Variants in CACNA2D3 observed in about 807,000 individuals in gnomAD.
CACNA2D3 encodes the protein voltage-dependent calcium channel subunit alpha-2/delta-3.
Under a neutral mutation model 160.6 loss-of-function variants are expected in CACNA2D3, and 60 were observed. The observed-to-expected ratio is 0.37, with a 90% CI of 0.30 to 0.46. The LOEUF (loss-of-function observed/expected upper bound fraction) is 0.46, where lower values mean the gene tolerates loss of function less well. Among genes scored for constraint, CACNA2D3 ranks in the 20% least tolerant of loss-of-function variants. The probability of loss-of-function intolerance (pLI) is 1.00; values close to 1 mark genes in which losing one functional copy is unlikely to be tolerated. For missense variants in CACNA2D3, 1,205 were observed against 1,365.0 expected, an observed-to-expected ratio of 0.88 and a Z score of 1.85; for synonymous variants, 558 against 492.9, an observed-to-expected ratio of 1.13 and a Z score of -1.75.
At chr3:54,219,523 G>A (rs959188633) in intron 2 of CACNA2D3, among the ~76,000 whole-genome samples, 1 of 152,166 alleles carries the variant, frequency 6.6e-6, no homozygotes, top group Non-Finnish European at 1.5e-5. Flanking sequence ...AACTCTGTAG[G>A]TTTGGATAGT....
chr3:55,058,211 G>A (rs533795323), intron 35 of CACNA2D3, among the ~76,000 whole-genome samples: 88 of 152,280 alleles, frequency 5.8e-4, no homozygotes, highest in African/African-American at 2.0e-3. Context: ...AGAACCCAAA[G>A]TATAGCAGAC....
chr3:54,350,966 C>CGGTTTTTTTTT (rs1559457706), intron 3 of CACNA2D3, among the ~76,000 whole-genome samples: 5 of 63,286 alleles, frequency 7.9e-5, no homozygotes, highest in Admixed American at 2.0e-4. Flanking sequence ...GATCTTGAGT[C>CGGTTTTTTTTT]TGTTTTTTTT....
At chr3:54,640,363 A>T (rs990535336) in intron 10 of CACNA2D3, among the ~76,000 whole-genome samples, 4 of 152,336 alleles carry the variant, frequency 2.6e-5, no homozygotes, top group Non-Finnish European at 5.9e-5. Context: ...AAGATTTTGT[A>T]TGTGTTTCCC....
At chr3:54,230,651 A>G (rs184578904) in intron 2 of CACNA2D3, among the ~76,000 whole-genome samples, 2 of 152,362 alleles carry the variant, frequency 1.3e-5, no homozygotes, top group Non-Finnish European at 1.5e-5. Flanking sequence ...TTACAGCTCA[A>G]GAAATGCAAT....
intron 5 of CACNA2D3, 47 bp from the exon 6 acceptor site, chr3:54,562,753 C>G (rs1559513335): frequency 6.4e-7 from 1 of 1,556,372 alleles, no homozygotes; most frequent in Non-Finnish European, 8.8e-7. Flanking sequence ...AATTTTATTT[C>G]ACTTTGGTTT....
At chr3:55,004,890 C>CCTGT in intron 32 of CACNA2D3, 52 bp downstream of exon 32, 3 of 1,272,450 alleles carry the variant, frequency 2.4e-6, no homozygotes, top group Non-Finnish European at 3.4e-6. Context: ...TGTCTTTCTC[C>CCTGT]CTGTCTGAGT....
intron 2 of CACNA2D3, among the ~76,000 whole-genome samples, chr3:54,233,082 G>A (rs1701806335): frequency 6.6e-6 from 1 of 152,154 alleles, no homozygotes; most frequent in Admixed American, 6.5e-5. Flanking sequence ...GGTGTGTTCA[G>A]GAAGGCCCCT....
At chr3:54,187,680 G>A (rs1170935585) in intron 2 of CACNA2D3, among the ~76,000 whole-genome samples, 2 of 152,168 alleles carry the variant, frequency 1.3e-5, no homozygotes, top group Non-Finnish European at 2.9e-5. Context: ...ATGGATAGAA[G>A]GGGTACAGGG....
Position 54,165,875 on chromosome 3 carries a change from A to G in CACNA2D3, c.204+42281A>G, listed in dbSNP as rs115514038. 9.6e-3 allele frequency among the ~76,000 whole-genome samples: 1,456 copies of G among 152,288 alleles called. 7 individuals are homozygous for G. The highest frequency in any genetic ancestry group is 0.015 in the Non-Finnish European group (1,018 of 68,010). On this transcript the variant is annotated intron_variant, in intron 2 of 37. Coordinates refer to ENST00000474759, the MANE Select transcript of CACNA2D3 (RefSeq NM_018398.3). ...CCTCTTTGTCCCCTAGTCACATCTT[A>G]TCATTAATATATGATACCATGGGAT...
Position 54,141,061 on chromosome 3 carries a change from C to CTGTGTGTGTGTGTGTGTGTGTGTGTGTG in CACNA2D3, c.204+17493_204+17494insTGTGTGTGTGTGTGTGTGTGTGTGTGTG, listed in dbSNP as rs55833247. On this transcript the variant is annotated intron_variant, in intron 2 of 37. Transcript: ENST00000474759. Reference sequence around the variant, plus strand: ...ACACTGTCTGATCTGCAGGTGAAACCTGTGTGTGTGTGTGTGTGTGTGTGT... The same window carrying CTGTGTGTGTGTGTGTGTGTGTGTGTGTG: ...ACACTGTCTGATCTGCAGGTGAAACCTGTGTGTGTGTGTGTGTGTGTGTGTGTGTGTGTGTGTGTGTGTGTGTGTGTGT... 6.0e-4 allele frequency among the ~76,000 whole-genome samples: 78 copies of CTGTGTGTGTGTGTGTGTGTGTGTGTGTG among 129,522 alleles called. 1 individual carries two copies. Among genetic ancestry groups the CTGTGTGTGTGTGTGTGTGTGTGTGTGTG allele is most frequent in the East Asian group, 2.4e-3 (10 of 4,250 alleles). 85.0% of individuals were successfully genotyped at this position (129,522 alleles called of 152,430 possible).
intron 14 of CACNA2D3, among the ~76,000 whole-genome samples, chr3:54,829,893 T>C (rs1377028161): frequency 8.3e-6 from 1 of 120,612 alleles, no homozygotes; most frequent in African/African-American, 3.5e-5. Flanking sequence ...ATCTTTTTTT[T>C]TTTTTTTTTT....
At chr3:54,587,163 C>G (rs898251392) in intron 9 of CACNA2D3, among the ~76,000 whole-genome samples, 8 of 151,806 alleles carry the variant, frequency 5.3e-5, no homozygotes, top group Middle Eastern at 3.2e-3. Context: ...GAGCCAAACT[C>G]AACTAAATTG....
At chr3:54,308,537 C>T (rs1055012672) in intron 2 of CACNA2D3, among the ~76,000 whole-genome samples, 1 of 152,080 alleles carries the variant, frequency 6.6e-6, no homozygotes, top group Non-Finnish European at 1.5e-5. Context: ...GGAAGGCTAC[C>T]TGATGAAAAG....
At chr3:54,827,620 C>T (rs1703775164) in intron 14 of CACNA2D3, among the ~76,000 whole-genome samples, 1 of 152,160 alleles carries the variant, frequency 6.6e-6, no homozygotes, top group South Asian at 2.1e-4. Context: ...CTTACAGTCT[C>T]AGTCCAACCA....
At chr3:54,695,160 G>C (rs1575427202) in intron 11 of CACNA2D3, among the ~76,000 whole-genome samples, 2 of 152,058 alleles carry the variant, frequency 1.3e-5, no homozygotes, top group African/African-American at 4.8e-5. Context: ...TGGGATTACA[G>C]GTGCCCACCA....
chr3:54,244,001 G>A (rs900351860), intron 2 of CACNA2D3, among the ~76,000 whole-genome samples: 9 of 152,150 alleles, frequency 5.9e-5, no homozygotes, highest in East Asian at 3.8e-4. Context: ...TGCTCCCCCC[G>A]TCCTGTGCTG....
intron 2 of CACNA2D3, among the ~76,000 whole-genome samples, chr3:54,276,302 G>A (rs1702737393): frequency 6.6e-6 from 1 of 152,188 alleles, no homozygotes; most frequent in South Asian, 2.1e-4. Flanking sequence ...AGACGCAGTG[G>A]CTCACGCCTG....
chr3:54,322,202 C>T (rs1378350257), intron 3 of CACNA2D3, among the ~76,000 whole-genome samples: 3 of 152,224 alleles, frequency 2.0e-5, no homozygotes, highest in South Asian at 2.1e-4. Flanking sequence ...AGTGGGCCCA[C>T]GTGGTCAGTG....
chr3:54,477,175 T>A (rs1303806615), intron 4 of CACNA2D3, among the ~76,000 whole-genome samples: 1 of 152,050 alleles, frequency 6.6e-6, no homozygotes, highest in Non-Finnish European at 1.5e-5. Context: ...GGGTATTAGC[T>A]CATATGTAAA....
Sources: allele counts gnomAD v4.1 joint callset (sites outside exome capture counted in the v4.1 genomes callset), GRCh38; gene constraint gnomAD v4.1.1; transcripts MANE v1.5; gene names NCBI Gene and HGNC (gene_info 2026-07-23, HGNC 2026-07-21).